The following TOPAZ1 variants were observed in gnomAD, a reference collection of about 807,000 sequenced individuals.
TOPAZ1 encodes the protein protein TOPAZ1.
Under a neutral mutation model 172.2 loss-of-function variants are expected in TOPAZ1, and 66 were observed. That is an observed-to-expected ratio of 0.38 (90% CI 0.31 to 0.47). The LOEUF is 0.47. Ranked by LOEUF, TOPAZ1 falls within the 20% of genes least tolerant of loss-of-function variation. The pLI, the probability that TOPAZ1 is intolerant of heterozygous loss-of-function variation, is 0.99. For synonymous variants in TOPAZ1, 681 were observed against 683.9 expected (o/e 1.00, Z 0.07); for missense variants, 1,822 against 1,972.4 (o/e 0.92, Z 1.44).
chr3:44,270,633 A>T, intron 7 of TOPAZ1, 52 bp from the exon 8 acceptor site: 1 of 1,385,594 alleles, frequency 7.2e-7, no homozygotes, highest in Non-Finnish European at 9.6e-7. Context: ...TTGCTTAACT[A>T]TAGTAAGTGC....
intron 12 of TOPAZ1, among the ~76,000 whole-genome samples, chr3:44,297,117 G>A (rs541671018): frequency 1.3e-5 from 2 of 149,514 alleles, no homozygotes; most frequent in Admixed American, 6.7e-5. Context: ...GTTACAGTGA[G>A]CCGAGATTGA....
rs1445998699 is a variant in TOPAZ1, at chr3:44,305,264, A to G, written c.3982A>G (p.Thr1328Ala). The change falls in exon 14 of 20, where the codon ACA (threonine) becomes GCA (alanine). Residue 1328 changes from threonine to alanine, a missense_variant. By Grantham distance (58) the Thr-to-Ala change is moderately conservative. Around this residue, in one of 2 missense-constraint regions of TOPAZ1, gnomAD observed 333 missense variants for 481.7 expected, o/e 0.69. Coordinates refer to ENST00000309765, the MANE Select transcript of TOPAZ1 (RefSeq NM_001145030.2). Reference protein sequence around the residue: ...TFCACIAETLTKNYEDERPDI... With the variant: ...TFCACIAETLAKNYEDERPDI... ...TTGTGCTTGCATTGCTGAAACACTCACAAAAAACTATGAAGATGAAAGACC... is the reference window on the plus strand; with the variant it reads ...TTGTGCTTGCATTGCTGAAACACTCGCAAAAAACTATGAAGATGAAAGACC... The G allele has an allele frequency of 1.3e-6, 2 of 1,545,514 alleles. No homozygotes were observed. The highest frequency in any genetic ancestry group is 1.7e-6 in the Non-Finnish European group (2 of 1,145,450).
intron 17 of TOPAZ1, among the ~76,000 whole-genome samples, chr3:44,322,039 GTT>G (rs1234525367): frequency 6.6e-5 from 10 of 152,162 alleles, no homozygotes; most frequent in Admixed American, 3.3e-4. Flanking sequence ...GATCACTAGA[GTT>G]TTGGGTCTAG....
intron 4 of TOPAZ1, among the ~76,000 whole-genome samples, chr3:44,260,567 T>G (rs1699764554): frequency 6.6e-6 from 1 of 152,064 alleles, no homozygotes. Flanking sequence ...GGAAGGAATA[T>G]AGAAACAATG....
chr3:44,284,751 T>C (rs921820475), intron 9 of TOPAZ1, among the ~76,000 whole-genome samples: 15 of 152,250 alleles, frequency 9.9e-5, no homozygotes, highest in Admixed American at 2.6e-4. Context: ...ATTTAGCATA[T>C]ACCAGAATGA....
chr3:44,317,378 G>A (rs1355356729), intron 16 of TOPAZ1, among the ~76,000 whole-genome samples: 2 of 152,054 alleles, frequency 1.3e-5, no homozygotes, highest in Non-Finnish European at 2.9e-5. Flanking sequence ...CCAAGATCGC[G>A]GCACTGCACT....
rs150897327 is a variant in TOPAZ1, at chr3:44,294,179, G to C, written c.3797+3293G>C. Reference sequence around the variant, plus strand: ...TGCTTGAATCTGGAAAGCAGAGGTGGCAGTGAGCCAAGATCGTGCCACTGC... The same window carrying C: ...TGCTTGAATCTGGAAAGCAGAGGTGCCAGTGAGCCAAGATCGTGCCACTGC... On this transcript the variant is annotated intron_variant, in intron 12 of 19. Transcript: ENST00000309765. Among the ~76,000 whole-genome samples, 8 of 152,174 alleles carry C rather than the reference G, an allele frequency of 5.3e-5. No individual in the cohort carries two copies. In the East Asian group the frequency reaches 1.5e-3, roughly 29 times the overall value.
At chr3:44,281,381 T>C (rs1208388111) in intron 8 of TOPAZ1, among the ~76,000 whole-genome samples, 2 of 152,240 alleles carry the variant, frequency 1.3e-5, no homozygotes, top group Admixed American at 1.3e-4. Flanking sequence ...AAAGTATCTT[T>C]TGAGAAATAG....
chr3:44,262,304 A>G (rs751077844), intron 4 of TOPAZ1, 115 bp from the exon 5 acceptor site: 27 of 416,838 alleles, frequency 6.5e-5, no homozygotes, highest in Non-Finnish European at 1.2e-4. Flanking sequence ...GATTGGCCAT[A>G]AACTAGTTAT....
Position 44,307,170 on chromosome 3 carries a change from G to A in TOPAZ1, c.4140+744G>A, listed in dbSNP as rs149330501. On this transcript the variant is annotated intron_variant, in intron 15 of 19. Transcript: ENST00000309765. Reference sequence around the variant, plus strand: ...CCCAAGTAGCTGGGATTACAGGCATGTATCACCATGCCTGGCTAATTTTGT... The same window carrying A: ...CCCAAGTAGCTGGGATTACAGGCATATATCACCATGCCTGGCTAATTTTGT... 1.8e-3 allele frequency among the ~76,000 whole-genome samples: 274 copies of A among 152,136 alleles called. 4 individuals carry two copies. In the East Asian group the frequency reaches 0.032, roughly 18 times the overall value.
At position 44,262,414 on chromosome 3, in the gene TOPAZ1, C is replaced by T; in HGVS notation, c.2956-5C>T. 6.9e-7 allele frequency: 1 copy of T among 1,459,660 alleles called. No homozygotes were observed. The highest frequency in any genetic ancestry group is 1.3e-5 in the South Asian group (1 of 79,344). 90.4% of individuals were successfully genotyped at this position (1,459,660 alleles called of 1,614,324 possible). ...TGTACTTATTTAACCATAATCTCTT[C>T]ACAGCATAGATTTACAGACAAAGTG... On this transcript the variant is annotated splice_region_variant and splice_polypyrimidine_tract_variant and intron_variant, in intron 4 of 19. Transcript: ENST00000309765.
intron 19 of TOPAZ1, among the ~76,000 whole-genome samples, chr3:44,330,289 A>G (rs897423250): frequency 4.6e-4 from 70 of 152,114 alleles, no homozygotes; most frequent in African/African-American, 1.3e-3. Flanking sequence ...ATAGCTTTCT[A>G]TTCCCCACAC....
downstream of TOPAZ1, among the ~76,000 whole-genome samples, chr3:44,333,520 T>C (rs1700692667): frequency 6.6e-6 from 1 of 152,170 alleles, no homozygotes; most frequent in African/African-American, 2.4e-5. Context: ...GAGAAATATG[T>C]GACCACTGAG....
intron 11 of TOPAZ1, among the ~76,000 whole-genome samples, chr3:44,289,680 A>G (rs545915263): frequency 6.6e-6 from 1 of 152,210 alleles, no homozygotes; most frequent in South Asian, 2.1e-4. Context: ...CAAAATATAT[A>G]ATTGTGAGTT....
intron 16 of TOPAZ1, among the ~76,000 whole-genome samples, chr3:44,317,802 T>C (rs1346502067): frequency 6.6e-6 from 1 of 152,242 alleles, no homozygotes; most frequent in Non-Finnish European, 1.5e-5. Context: ...AAACTGTTTC[T>C]TATTCTTGGG....
chr3:44,259,087 G>A (rs564502679), intron 4 of TOPAZ1, among the ~76,000 whole-genome samples: 1 of 152,260 alleles, frequency 6.6e-6, no homozygotes, highest in East Asian at 1.9e-4. Context: ...TCACTTTCCA[G>A]TTTCTGATTT....
chr3:44,245,864 A>G (rs1268179618), intron 2 of TOPAZ1, among the ~76,000 whole-genome samples: 1 of 152,166 alleles, frequency 6.6e-6, no homozygotes, highest in African/African-American at 2.4e-5. Flanking sequence ...TAAGTGATGG[A>G]GATTGCTTCT....
At chr3:44,292,489 C>T (rs573849194) in intron 12 of TOPAZ1, among the ~76,000 whole-genome samples, 1 of 152,120 alleles carries the variant, frequency 6.6e-6, no homozygotes. Flanking sequence ...AATCTCGCAC[C>T]AGATTCAGTA....
At chr3:44,292,136 C>T (rs1204129708) in intron 12 of TOPAZ1, among the ~76,000 whole-genome samples, 2 of 152,160 alleles carry the variant, frequency 1.3e-5, no homozygotes, top group Non-Finnish European at 2.9e-5. Context: ...CTAAATAGTA[C>T]TTCTTCCCTT....
Sources: gnomAD v4.1 joint callset for allele counts (sites outside exome capture counted in the v4.1 genomes callset) on GRCh38, gnomAD v4.1.1 for gene constraint, gnomAD v4.1.1 regional missense constraint, MANE v1.5 for transcripts, NCBI Gene and HGNC (gene_info 2026-07-23, HGNC 2026-07-21) for gene names.